Variants in SGCD observed in about 807,000 individuals in gnomAD.
The protein encoded by SGCD is delta-sarcoglycan.
Under a neutral mutation model 36.6 loss-of-function variants are expected in SGCD, and 18 were observed. That is an observed-to-expected ratio of 0.49 (90% CI 0.34 to 0.73). The LOEUF (loss-of-function observed/expected upper bound fraction) is 0.73, where lower values mean the gene tolerates loss of function less well. Among genes scored for constraint, SGCD ranks in the 30% least tolerant of loss-of-function variants. SGCD has a pLI of 0.01. For missense variants in SGCD, 387 were observed against 346.7 expected, an observed-to-expected ratio of 1.12 and a Z score of -0.92; for synonymous variants, 133 against 130.6, an observed-to-expected ratio of 1.02 and a Z score of -0.12.
intron 3 of SGCD, among the ~76,000 whole-genome samples, chr5:156,192,001 T>TCGAATAACCTG (rs1198222450): frequency 2.0e-5 from 3 of 152,220 alleles, no homozygotes; most frequent in Non-Finnish European, 4.4e-5. Context: ...TGTCAGGTTA[T>TCGAATAACCTG]ATAAATTATC....
chr5:155,904,250 T>C (rs1239584267), intron 1 of SGCD, among the ~76,000 whole-genome samples: 1 of 152,230 alleles, frequency 6.6e-6, no homozygotes, highest in African/African-American at 2.4e-5. Flanking sequence ...GGCAACCATA[T>C]TGTAAGTCAC....
intron 3 of SGCD, among the ~76,000 whole-genome samples, chr5:156,309,601 A>ATT (rs3043458): frequency 3.0e-4 from 36 of 121,126 alleles, no homozygotes; most frequent in African/African-American, 9.4e-4. Context: ...ATCTTTGAGC[A>ATT]TTTTTTTTTT....
At chr5:156,208,183 G>A (rs1489970904) in intron 3 of SGCD, among the ~76,000 whole-genome samples, 1 of 152,170 alleles carries the variant, frequency 6.6e-6, no homozygotes, top group African/African-American at 2.4e-5. Flanking sequence ...AGCAACTTTA[G>A]TACACAACTT....
At chr5:156,177,599 G>A (rs1431676732) in intron 3 of SGCD, among the ~76,000 whole-genome samples, 1 of 152,078 alleles carries the variant, frequency 6.6e-6, no homozygotes, top group Non-Finnish European at 1.5e-5. Flanking sequence ...TATATACAAT[G>A]TACTGCATCT....
chr5:156,595,679 G>T (rs1256596056), intron 6 of SGCD, among the ~76,000 whole-genome samples: 4 of 152,180 alleles, frequency 2.6e-5, no homozygotes, highest in African/African-American at 9.7e-5. Context: ...AGACTGGCAG[G>T]CGTGCTTGAC....
intron 4 of SGCD, among the ~76,000 whole-genome samples, chr5:156,588,581 T>C (rs1760588113): frequency 6.6e-6 from 1 of 151,966 alleles, no homozygotes; most frequent in African/African-American, 2.4e-5. Context: ...TGTGAAAAAG[T>C]TGGGGAGCCC....
Position 156,594,932 on chromosome 5 carries a change from G to A in SGCD, c.383G>A (p.Gly128Asp), listed in dbSNP as rs756122536. The A allele has an allele frequency of 1.9e-6, 3 of 1,595,922 alleles. No homozygotes were observed. ...QTKVLTQLITGPKAVEAYGKK... is the reference protein window; with the variant it reads ...QTKVLTQLITDPKAVEAYGKK... ...CTCTCTATCTCTCTATATCTCTCAG[G>A]TCCAAAAGCCGTAGAAGCTTATGGT... The change falls in exon 6 of 9, where the codon GGT (glycine) becomes GAT (aspartate). Residue 128 changes from glycine to aspartate, a missense_variant and splice_region_variant. Transcript: ENST00000337851.
intron 1 of SGCD, among the ~76,000 whole-genome samples, chr5:156,013,305 A>G (rs1207503782): frequency 1.3e-5 from 2 of 152,168 alleles, no homozygotes; most frequent in Admixed American, 1.3e-4. Flanking sequence ...GATTACAGGC[A>G]TGAGCTACTG....
At chr5:155,997,698 A>G (rs1758580834) in intron 1 of SGCD, among the ~76,000 whole-genome samples, 1 of 152,236 alleles carries the variant, frequency 6.6e-6, no homozygotes, top group Admixed American at 6.5e-5. Context: ...TCAATCTACA[A>G]ATGCACTGTG....
At chr5:156,515,703 G>C (rs1475652902) in intron 4 of SGCD, among the ~76,000 whole-genome samples, 2 of 152,248 alleles carry the variant, frequency 1.3e-5, no homozygotes, top group African/African-American at 4.8e-5. Flanking sequence ...CCCAAGAACA[G>C]AGCTGTGCAG....
intron 3 of SGCD, among the ~76,000 whole-genome samples, chr5:156,482,667 A>G (rs958859110): frequency 2.6e-5 from 4 of 152,162 alleles, no homozygotes; most frequent in Non-Finnish European, 4.4e-5. Context: ...TTTTAAGCCT[A>G]CTTGTATGAT....
intron 1 of SGCD, among the ~76,000 whole-genome samples, chr5:155,884,906 C>T (rs1458021067): frequency 1.7e-5 from 2 of 116,694 alleles, no homozygotes; most frequent in East Asian, 2.2e-4. Flanking sequence ...ATGATGAAGA[C>T]GATAATGACA....
chr5:156,554,178 A>G (rs1382934142), intron 4 of SGCD, among the ~76,000 whole-genome samples: 1 of 152,100 alleles, frequency 6.6e-6, no homozygotes. Flanking sequence ...CAACATGATG[A>G]AACCCCATCT....
chr5:156,279,833 T>C (rs1323272775), intron 3 of SGCD, among the ~76,000 whole-genome samples: 1 of 151,988 alleles, frequency 6.6e-6, no homozygotes, highest in Non-Finnish European at 1.5e-5. Context: ...GTGAGTACAG[T>C]TTTGTACAAA....
intron 1 of SGCD, among the ~76,000 whole-genome samples, chr5:155,985,273 G>A (rs1017956705): frequency 6.6e-6 from 1 of 152,076 alleles, no homozygotes; most frequent in Non-Finnish European, 1.5e-5. Flanking sequence ...TCTGCTTCTA[G>A]GCCCATTCAG....
At chr5:156,333,476 A>T (rs1426608576) in intron 2 of SGCD, among the ~76,000 whole-genome samples, 1 of 152,176 alleles carries the variant, frequency 6.6e-6, no homozygotes, top group Non-Finnish European at 1.5e-5. Flanking sequence ...TTTATTAGTA[A>T]TCACATTGTT....
intron 7 of SGCD, chr5:156,739,539 C>A (rs1756557058): frequency 1.3e-5 from 2 of 152,020 alleles, no homozygotes; most frequent in African/African-American, 4.8e-5. Flanking sequence ...GTAGGATGAC[C>A]AAGAAGATCA....
At chr5:156,490,407 G>A (rs1223135102) in intron 3 of SGCD, among the ~76,000 whole-genome samples, 2 of 151,386 alleles carry the variant, frequency 1.3e-5, no homozygotes, top group Non-Finnish European at 2.9e-5. Context: ...AAGAAAAATA[G>A]CAAATGACAG....
chr5:156,217,518 A>T (rs893406710), intron 3 of SGCD, among the ~76,000 whole-genome samples: 1 of 152,136 alleles, frequency 6.6e-6, no homozygotes, highest in Admixed American at 6.5e-5. Flanking sequence ...TTCATGTGGG[A>T]TAACATTGCA....
Sources: gnomAD v4.1 joint callset for allele counts (sites outside exome capture counted in the v4.1 genomes callset) on GRCh38, gnomAD v4.1.1 for gene constraint, MANE v1.5 for transcripts, NCBI Gene and HGNC (gene_info 2026-07-23, HGNC 2026-07-21) for gene names.